The following CD22 variants were observed in gnomAD, a reference collection of about 807,000 sequenced individuals.
CD22 encodes the protein CD22 molecule, also known as B-cell receptor CD22.
Under a neutral mutation model 94.7 loss-of-function variants are expected in CD22, and 51 were observed. The observed-to-expected ratio is 0.54, with a 90% confidence interval of 0.43 to 0.68. The LOEUF (loss-of-function observed/expected upper bound fraction) is 0.68, where lower values mean the gene tolerates loss of function less well. Among genes scored for constraint, CD22 ranks in the 30% least tolerant of loss-of-function variants. The probability of loss-of-function intolerance (pLI) is 0.00; values close to 1 mark genes in which losing one functional copy is unlikely to be tolerated. For synonymous variants in CD22, 424 were observed against 422.5 expected (o/e 1.00, Z -0.04); for missense variants, 931 against 1,060.4 (o/e 0.88, Z 1.69).
rs1413840389 is a variant in CD22 at position 35,346,062 on chromosome 19, G to C, written c.2328-89G>C. On this transcript the variant is annotated intron_variant, in intron 12 of 13. Coordinates refer to ENST00000085219, the MANE Select transcript of CD22 (RefSeq NM_001771.4). The stretch of plus-strand genomic sequence containing the variant: ...GGTTTTACATAAGGGGCTGAGGTTG[G>C]GGTGCTGTTGGGGGCTCTGGGTGTT... 4 of 967,878 alleles carry C rather than the reference G, an allele frequency of 4.1e-6. No homozygotes were observed. The East Asian group carries it at 9.6e-5, about 23-fold the overall frequency. The allele number at this position is 967,878 out of a possible 1,614,324, so 60.0% of individuals were successfully genotyped here.
At chr19:35,333,000 C>G (rs1273469208) in intron 3 of CD22, 76 bp downstream of exon 3, 1 of 1,491,548 alleles carries the variant, frequency 6.7e-7, no homozygotes, top group African/African-American at 1.4e-5. Flanking sequence ...ACTCCTGGCA[C>G]AGAGCTCACA....
At chr19:35,330,192 C>T (rs143032461) in intron 1 of CD22, among the ~76,000 whole-genome samples, 46 of 152,112 alleles carry the variant, frequency 3.0e-4, no homozygotes, top group Non-Finnish European at 5.6e-4. Flanking sequence ...ACAAATCAGA[C>T]GGGTGTGGTG....
intron 9 of CD22, chr19:35,344,617 A>C (rs935628026): frequency 3.7e-6 from 2 of 543,688 alleles, no homozygotes; most frequent in Admixed American, 6.5e-5. Context: ...CTGTGGGAAA[A>C]GCAGCTCCTC....
chr19:35,338,751 T>C (rs920326177), intron 6 of CD22, among the ~76,000 whole-genome samples: 43 of 152,172 alleles, frequency 2.8e-4, no homozygotes, highest in African/African-American at 1.0e-3. Flanking sequence ...TGTCTCAGCC[T>C]CCTGAGTAGC....
Position 35,341,256 on chromosome 19 carries a change from T to C in CD22, c.1508-87T>C, listed in dbSNP as rs2145670144. ...TCAACAGAATTGAGGGACAGGAGCC[T>C]GGCGTCAGGGCCAAGGGGAGGGGAG... On this transcript the variant is annotated intron_variant, in intron 7 of 13. Transcript: ENST00000085219. The surrounding 1 kb of genome is among the most constrained non-coding windows in gnomAD (Gnocchi z 4.0). 12 of 1,593,884 alleles carry C rather than the reference T, an allele frequency of 7.5e-6. No homozygotes were observed. Among genetic ancestry groups the C allele is most frequent in the African/African-American group, 1.3e-5 (1 of 74,342 alleles).
Position 35,346,897 on chromosome 19 carries a change from A to G in CD22, c.*200A>G. 3.6e-6 allele frequency: 2 copies of G among 556,880 alleles called. No homozygotes were observed. The highest frequency in any genetic ancestry group is 6.2e-6 in the Non-Finnish European group (2 of 321,946). The allele number at this position is 556,880 out of a possible 1,614,324, so 34.5% of individuals were successfully genotyped here. A position where few individuals can be genotyped will look rare whatever the true frequency, so the allele number is the denominator to read the frequency against. ...AGTCTTTTTGGTGAGGGTAACCCCAAACCTCCAAAACTCCTGCCCCTGTTC... is the reference window on the plus strand; with the variant it reads ...AGTCTTTTTGGTGAGGGTAACCCCAGACCTCCAAAACTCCTGCCCCTGTTC... On this transcript the variant is annotated 3_prime_UTR_variant, in exon 14 of 14. Coordinates refer to ENST00000085219, the MANE Select transcript of CD22 (RefSeq NM_001771.4).
At chr19:35,345,813 GC>G in intron 12 of CD22, 93 bp downstream of exon 12, 1 of 888,640 alleles carries the variant, frequency 1.1e-6, no homozygotes, top group Non-Finnish European at 1.9e-6. Context: ...CCAGGCCCAT[GC>G]CAGGCACCCT....
At chr19:35,342,693 C>T (rs1439245461) in intron 9 of CD22, among the ~76,000 whole-genome samples, 1 of 152,210 alleles carries the variant, frequency 6.6e-6, no homozygotes, top group Non-Finnish European at 1.5e-5. Flanking sequence ...TCTAGGGTCC[C>T]CTCTCAGGCT....
At chr19:35,343,292 T>C (rs762822536) in intron 9 of CD22, among the ~76,000 whole-genome samples, 3 of 152,020 alleles carry the variant, frequency 2.0e-5, no homozygotes, top group Non-Finnish European at 4.4e-5. Context: ...AATGTAAGCA[T>C]GAAAGGGTAA....
At chr19:35,335,990 C>G (rs139498328) in intron 3 of CD22, 46 bp from the exon 4 acceptor site, 1 of 1,541,912 alleles carries the variant, frequency 6.5e-7, no homozygotes, top group Non-Finnish European at 8.9e-7. Context: ...TGTACGCTCA[C>G]GTCCTCAGTC....
rs1465966150 is a variant in CD22, at chr19:35,332,184, G to A, written c.34+110G>A. On this transcript the variant is annotated intron_variant, in intron 2 of 13. Coordinates refer to ENST00000085219, the MANE Select transcript of CD22 (RefSeq NM_001771.4). The stretch of plus-strand genomic sequence containing the variant: ...GTCAACATAGGGTAGGGTGGGGGCA[G>A]CGGTGTGTATAGATAAATGTACATA... 42 of 1,217,378 alleles carry A rather than the reference G, an allele frequency of 3.5e-5. No individual in the cohort carries two copies. The Middle Eastern group carries it at 2.3e-3, about 66-fold the overall frequency. 75.4% of individuals were successfully genotyped at this position (1,217,378 alleles called of 1,614,324 possible).
intron 9 of CD22, among the ~76,000 whole-genome samples, chr19:35,343,063 G>A (rs886269613): frequency 2.0e-5 from 3 of 151,368 alleles, no homozygotes; most frequent in African/African-American, 7.3e-5. Context: ...CTTCCAAAGT[G>A]CTGGGATTAC....
In CD22 at chr19:35,344,975, C is replaced by T. The variant is rs574800106; in HGVS notation, c.2132+50C>T. ...CCTCCTCTATCCCTTGGCAGAGGCC[C>T]GTGTCCAGTTGCTCCATCTCGAAGC... On this transcript the variant is annotated intron_variant, in intron 10 of 13. Transcript: ENST00000085219. The T allele has an allele frequency of 5.0e-5, 79 of 1,592,924 alleles. No homozygotes were observed. The Admixed American group carries it at 5.8e-4, about 12-fold the overall frequency.
chr19:35,332,010 C>G lies in CD22; in HGVS notation c.-22-9C>G, dbSNP rs769535603. 29 of 1,613,768 alleles carry G rather than the reference C, an allele frequency of 1.8e-5. No homozygotes were observed. The Admixed American group carries it at 3.2e-4, about 18-fold the overall frequency. ...CAGATGGCTCAAAGACAAACTCTCCCCTGCTCAGGCTTGCACCCAGACACG... is the reference window on the plus strand; with the variant it reads ...CAGATGGCTCAAAGACAAACTCTCCGCTGCTCAGGCTTGCACCCAGACACG... On this transcript the variant is annotated splice_polypyrimidine_tract_variant and intron_variant, in intron 1 of 13. Transcript: ENST00000085219.
intron 9 of CD22, among the ~76,000 whole-genome samples, chr19:35,344,156 A>G (rs1442581093): frequency 1.4e-5 from 2 of 146,238 alleles, no homozygotes; most frequent in African/African-American, 5.0e-5. Flanking sequence ...AGATCTCACC[A>G]CTGCACTCCA....
Position 35,332,008 on chromosome 19 carries a change from C to A in CD22, c.-22-11C>A, listed in dbSNP as rs1599671387. The A allele has an allele frequency of 1.9e-6, 3 of 1,613,754 alleles. No individual in the cohort carries two copies. Among genetic ancestry groups the A allele is most frequent in the African/African-American group, 1.3e-5 (1 of 75,012 alleles). On this transcript the variant is annotated splice_polypyrimidine_tract_variant and intron_variant, in intron 1 of 13. Transcript: ENST00000085219. ...GCCAGATGGCTCAAAGACAAACTCT[C>A]CCCTGCTCAGGCTTGCACCCAGACA...
At chr19:35,345,445 A>AG in intron 11 of CD22, 157 bp from the exon 12 acceptor site, 7 of 515,886 alleles carry the variant, frequency 1.4e-5, no homozygotes, top group African/African-American at 4.0e-5. Flanking sequence ...AAAAAAAAAA[A>AG]GGGTAGGCAT....
In CD22 at chr19:35,341,990, C is replaced by T; in HGVS notation, c.2035+25C>T. 2 of 1,586,852 alleles carry T rather than the reference C, an allele frequency of 1.3e-6. No individual in the cohort carries two copies. The highest frequency in any genetic ancestry group is 2.3e-5 in the South Asian group (2 of 88,114). ...TGTAAGGCCTCTTCCTGCTCTTGTTCTTCTTGGTGGTGGTCAGTCCTTCCT... is the reference window on the plus strand; with the variant it reads ...TGTAAGGCCTCTTCCTGCTCTTGTTTTTCTTGGTGGTGGTCAGTCCTTCCT... On this transcript the variant is annotated intron_variant, in intron 9 of 13. Coordinates refer to ENST00000085219, the MANE Select transcript of CD22 (RefSeq NM_001771.4). The surrounding 1 kb of genome is among the most constrained non-coding windows in gnomAD (Gnocchi z 4.0).
intron 1 of CD22, among the ~76,000 whole-genome samples, chr19:35,331,328 A>G (rs1192445225): frequency 6.6e-6 from 1 of 152,218 alleles, no homozygotes; most frequent in Non-Finnish European, 1.5e-5. Context: ...GTAGCACCAG[A>G]GAGAGCTCCA....
Sources: allele counts gnomAD v4.1 joint callset (sites outside exome capture counted in the v4.1 genomes callset), GRCh38; gene constraint gnomAD v4.1.1; non-coding constraint Gnocchi (gnomAD v3.1); transcripts MANE v1.5; gene names NCBI Gene and HGNC (gene_info 2026-07-23, HGNC 2026-07-21).